TMEM182: variants seen among roughly 807,000 people sequenced by gnomAD.
TMEM182 encodes the protein transmembrane protein 182.
A neutral mutation model predicts 26.8 loss-of-function variants in TMEM182; 20 were observed. That is an observed-to-expected ratio of 0.75 (90% CI 0.53 to 1.09). The LOEUF is 1.09. Ranked by LOEUF, TMEM182 falls within the 50% of genes least tolerant of loss-of-function variation. The pLI, the probability that TMEM182 is intolerant of heterozygous loss-of-function variation, is 0.00. For missense variants in TMEM182, 277 were observed against 275.5 expected, an observed-to-expected ratio of 1.01 and a Z score of -0.04; for synonymous variants, 109 against 102.2, an observed-to-expected ratio of 1.07 and a Z score of -0.40.
At chr2:102,812,755 A>G (rs1682599620) in intron 4 of TMEM182, among the ~76,000 whole-genome samples, 1 of 152,244 alleles carries the variant, frequency 6.6e-6, no homozygotes, top group South Asian at 2.1e-4. Flanking sequence ...TGAAAGCACA[A>G]GAGAGTCACA....
At chr2:102,780,191 A>AT (rs1305734226) in intron 3 of TMEM182, among the ~76,000 whole-genome samples, 2 of 151,844 alleles carry the variant, frequency 1.3e-5, no homozygotes, top group African/African-American at 4.8e-5. Flanking sequence ...ATTACTAATG[A>AT]TTTTTTTATT....
chr2:102,821,334 G>T (rs1015216753), downstream of TMEM182, among the ~76,000 whole-genome samples: 1 of 152,178 alleles, frequency 6.6e-6, no homozygotes, highest in South Asian at 2.1e-4. Context: ...TGTGGGAGGT[G>T]TTTGGGTCAT....
chr2:102,806,546 C>T (rs966518413), intron 4 of TMEM182, among the ~76,000 whole-genome samples: 80 of 152,288 alleles, frequency 5.3e-4, no homozygotes, highest in African/African-American at 1.9e-3. Context: ...CGAGTTTATT[C>T]TTTTGCCTCT....
intron 3 of TMEM182, among the ~76,000 whole-genome samples, chr2:102,830,465 A>T (rs927475855): frequency 6.6e-6 from 1 of 152,202 alleles, no homozygotes; most frequent in African/African-American, 2.4e-5. Flanking sequence ...AGCTTTATTT[A>T]CAACACTGGG....
At chr2:102,759,349 C>T (rs1293220732), upstream of TMEM182, among the ~76,000 whole-genome samples, 2 of 152,098 alleles carry the variant, frequency 1.3e-5, no homozygotes, top group South Asian at 4.1e-4. Flanking sequence ...AGGGAGGGGG[C>T]GTGTGGGGGA....
intron 3 of TMEM182, among the ~76,000 whole-genome samples, chr2:102,842,351 A>G (rs1021877620): frequency 6.6e-6 from 1 of 152,154 alleles, no homozygotes; most frequent in Non-Finnish European, 1.5e-5. Flanking sequence ...TATCTTCCGT[A>G]TCTAAACAGA....
At chr2:102,772,294 A>T (rs996959174) in intron 3 of TMEM182, among the ~76,000 whole-genome samples, 2 of 152,200 alleles carry the variant, frequency 1.3e-5, no homozygotes, top group Non-Finnish European at 2.9e-5. Flanking sequence ...GATGCTTCAG[A>T]ATCAGCCCTA....
chr2:102,839,471 A>ATAAT (rs1553446276), intron 3 of TMEM182, among the ~76,000 whole-genome samples: 8 of 134,888 alleles, frequency 5.9e-5, no homozygotes, highest in African/African-American at 8.4e-5. Context: ...ATATATATAT[A>ATAAT]ATATATACAC....
intron 3 of TMEM182, among the ~76,000 whole-genome samples, chr2:102,830,439 G>A (rs1683129641): frequency 6.6e-6 from 1 of 152,108 alleles, no homozygotes; most frequent in Non-Finnish European, 1.5e-5. Context: ...AATTTTGTGG[G>A]CTAACATGGG....
chr2:102,836,954 C>A (rs988965314), intron 3 of TMEM182, among the ~76,000 whole-genome samples: 18 of 152,226 alleles, frequency 1.2e-4, no homozygotes, highest in Non-Finnish European at 1.3e-4. Context: ...GAGACAGGAC[C>A]TCTCTTGAGT....
chr2:102,819,344 G>T (rs1260849780), downstream of TMEM182, among the ~76,000 whole-genome samples: 1 of 152,192 alleles, frequency 6.6e-6, no homozygotes, highest in East Asian at 1.9e-4. Context: ...ATATATAAAG[G>T]CACTGTAAGA....
At chr2:102,744,337 A>C (rs928821400) in intron 1 of TMEM182, among the ~76,000 whole-genome samples, 5 of 152,194 alleles carry the variant, frequency 3.3e-5, no homozygotes, top group Middle Eastern at 3.2e-3. Flanking sequence ...GAACAATTTG[A>C]AAATATTTGA....
chr2:102,831,163 ACATAGGAGTG>A (rs1183568762), intron 3 of TMEM182, among the ~76,000 whole-genome samples: 1 of 152,216 alleles, frequency 6.6e-6, no homozygotes, highest in African/African-American at 2.4e-5. Context: ...GCTGCAACAA[ACATAGGAGTG>A]CAGATGTCTC....
chr2:102,816,789 T>C lies in TMEM182; in HGVS notation c.*1821T>C. ...GTTGGATGTATCTGATTAGTTCATG[T>C]CATCTGTAAATACAATTCTTTTTTG... On this transcript the variant is annotated 3_prime_UTR_variant, in exon 5 of 5. Transcript: ENST00000412401. 1.0e-6 allele frequency: 1 copy of C among 985,850 alleles called. No individual in the cohort carries two copies. The allele number at this position is 985,850 out of a possible 1,614,324, so 61.1% of individuals were successfully genotyped here. A position where few individuals can be genotyped will look rare whatever the true frequency, so the allele number is the denominator to read the frequency against.
At chr2:102,813,169 C>T (rs945082153) in intron 4 of TMEM182, among the ~76,000 whole-genome samples, 14 of 152,172 alleles carry the variant, frequency 9.2e-5, no homozygotes, top group Admixed American at 1.3e-4. Context: ...GTCATGATTA[C>T]AAGGAAGTTT....
chr2:102,818,762 C>CTATCTATG (rs1553444830), downstream of TMEM182, among the ~76,000 whole-genome samples: 407 of 151,896 alleles, frequency 2.7e-3, 1 homozygote, highest in East Asian at 0.017. Flanking sequence ...ATCTATCTAT[C>CTATCTATG]TATCTATCTA....
Position 102,762,086 on chromosome 2 carries a change from T to G in TMEM182, c.-132T>G. On this transcript the variant is annotated 5_prime_UTR_variant, in exon 1 of 5. Coordinates refer to ENST00000412401, the MANE Select transcript of TMEM182 (RefSeq NM_144632.5). ...CACCAAAACATGAGCTAGGACAGCC[T>G]TCTCAAGAAGATTCTGCCAACTCAA... The G allele has an allele frequency of 1.3e-6, 1 of 778,084 alleles. No homozygotes were observed. The highest frequency in any genetic ancestry group is 1.9e-5 in the South Asian group (1 of 52,786). The allele number at this position is 778,084 out of a possible 1,614,324, so 48.2% of individuals were successfully genotyped here. A position where few individuals can be genotyped will look rare whatever the true frequency, so the allele number is the denominator to read the frequency against.
chr2:102,764,435 C>T lies in TMEM182; in HGVS notation c.331+8C>T. ...CCTATGACTCTGCAGTTAGTAAGTACCCTCTGTCCTCAGCCTACTTCTAAA... is the reference window on the plus strand; with the variant it reads ...CCTATGACTCTGCAGTTAGTAAGTATCCTCTGTCCTCAGCCTACTTCTAAA... On this transcript the variant is annotated splice_region_variant and intron_variant, in intron 3 of 4. Transcript: ENST00000412401. The T allele has an allele frequency of 1.2e-6, 2 of 1,611,902 alleles. No homozygotes were observed. Among genetic ancestry groups the T allele is most frequent in the Non-Finnish European group, 1.7e-6 (2 of 1,178,416 alleles).
chr2:102,788,789 G>A (rs768273474), intron 3 of TMEM182, among the ~76,000 whole-genome samples: 3 of 152,166 alleles, frequency 2.0e-5, no homozygotes, highest in South Asian at 2.1e-4. Context: ...CTCCTGAATC[G>A]GGCAAGTTTA....
Sources: allele counts gnomAD v4.1 joint callset (sites outside exome capture counted in the v4.1 genomes callset), GRCh38; gene constraint gnomAD v4.1.1; transcripts MANE v1.5; gene names NCBI Gene and HGNC (gene_info 2026-07-23, HGNC 2026-07-21).